ETV5: variants seen among roughly 807,000 people sequenced by gnomAD.
ETV5 encodes the protein ETS variant transcription factor 5, also known as ETS translocation variant 5.
In ETV5, 10 loss-of-function variants were observed where a neutral mutation model predicts 70.0. The ratio of observed to expected loss-of-function variants is 0.14; its 90% CI spans 0.09 to 0.24. The LOEUF is 0.24. Among genes scored for constraint, ETV5 ranks in the 10% least tolerant of loss-of-function variants. ETV5 has a pLI of 1.00. For synonymous variants in ETV5, 216 were observed against 242.2 expected, an observed-to-expected ratio of 0.89 and a Z score of 1.01; for missense variants, 453 against 651.2, an observed-to-expected ratio of 0.70 and a Z score of 3.31.
chr3:186,063,087 C>G (rs757049170), intron 9 of ETV5, among the ~76,000 whole-genome samples: 1 of 152,016 alleles, frequency 6.6e-6, no homozygotes, highest in Non-Finnish European at 1.5e-5. Context: ...CTGGCTAACA[C>G]AGTGAAACCC....
intron 5 of ETV5, among the ~76,000 whole-genome samples, chr3:186,085,388 C>T (rs747158250): frequency 6.6e-6 from 1 of 152,112 alleles, no homozygotes; most frequent in Non-Finnish European, 1.5e-5. Flanking sequence ...ACACGTCATA[C>T]CCCTAAATCC....
chr3:186,063,268 TCAA>T lies in ETV5; in HGVS notation c.970+1146_970+1148del, dbSNP rs544999364. On this transcript the variant is annotated intron_variant, in intron 9 of 12. Coordinates refer to ENST00000306376, the MANE Select transcript of ETV5 (RefSeq NM_004454.3). The stretch of plus-strand genomic sequence containing the variant: ...CTGGGCAACAGAGCGAGACTCCGTC[TCAA>T]CAACAACAACAACAAAAAAAGATGA... Among the ~76,000 whole-genome samples the T allele has an allele frequency of 8.0e-3, 1,219 of 152,198 alleles. 6 individuals are homozygous for T. The highest frequency in any genetic ancestry group is 0.011 in the Non-Finnish European group (746 of 68,002).
intron 1 of ETV5, among the ~76,000 whole-genome samples, chr3:186,107,535 T>G (rs372238806): frequency 1.3e-5 from 2 of 152,092 alleles, no homozygotes; most frequent in African/African-American, 2.4e-5. Context: ...TTAAAAGAAA[T>G]AAACTGCCAT....
chr3:186,078,784 C>T (rs1238334003), intron 7 of ETV5, among the ~76,000 whole-genome samples: 1 of 152,028 alleles, frequency 6.6e-6, no homozygotes, highest in Non-Finnish European at 1.5e-5. Context: ...AAACAGCAAC[C>T]AGCCATATTT....
At position 186,048,587 on chromosome 3, in the gene ETV5, C is replaced by A. The variant is rs1578533150; in HGVS notation, c.*52G>T. 10 of 1,519,246 alleles carry A rather than the reference C, an allele frequency of 6.6e-6. No homozygotes were observed. The East Asian group carries it at 2.3e-4, about 34-fold the overall frequency. The allele number at this position is 1,519,246 out of a possible 1,614,324, so 94.1% of individuals were successfully genotyped here. A position where few individuals can be genotyped will look rare whatever the true frequency, so the allele number is the denominator to read the frequency against. On this transcript the variant is annotated 3_prime_UTR_variant, in exon 13 of 13. Coordinates refer to ENST00000306376, the MANE Select transcript of ETV5 (RefSeq NM_004454.3). ...CAAACAAAACCACTGCCCTTGTTTG[C>A]CTGAATGGGAACTGCTAGCTCTAGG...
At chr3:186,058,600 C>T (rs768291552) in intron 9 of ETV5, among the ~76,000 whole-genome samples, 18 of 152,122 alleles carry the variant, frequency 1.2e-4, no homozygotes, top group Admixed American at 3.9e-4. Flanking sequence ...AAAAAATCCA[C>T]GAGGCTGGGC....
chr3:186,067,802 C>G (rs1159712204), intron 7 of ETV5, among the ~76,000 whole-genome samples: 1 of 151,960 alleles, frequency 6.6e-6, no homozygotes, highest in African/African-American at 2.4e-5. Context: ...ACACATCAAA[C>G]CAGGGGGAAA....
chr3:186,096,872 T>C (rs1714315087), intron 5 of ETV5, among the ~76,000 whole-genome samples: 1 of 151,852 alleles, frequency 6.6e-6, no homozygotes, highest in Admixed American at 6.6e-5. Context: ...CCAGGTAAGA[T>C]GTTGGAGGAT....
intron 9 of ETV5, among the ~76,000 whole-genome samples, chr3:186,062,246 T>G (rs1034859769): frequency 1.6e-4 from 24 of 152,234 alleles, no homozygotes; most frequent in African/African-American, 5.1e-4. Context: ...ATGAAGAGTA[T>G]GGGCTCTGGA....
chr3:186,108,383 A>C, intron 1 of ETV5: 1 of 662,438 alleles, frequency 1.5e-6, no homozygotes. Flanking sequence ...CTGGATGTCC[A>C]CTTTCCACCA....
chr3:186,079,082 T>C (rs993550619), intron 7 of ETV5: 2 of 1,064,252 alleles, frequency 1.9e-6, no homozygotes, highest in African/African-American at 3.3e-5. Flanking sequence ...ACTACCCCCC[T>C]ATCCCAGAGA....
intron 1 of ETV5, 109 bp from the exon 2 acceptor site, chr3:186,106,051 G>T: frequency 1.3e-6 from 1 of 745,130 alleles, no homozygotes; most frequent in African/African-American, 1.8e-5. Context: ...ACCCTTCTGT[G>T]AAGTACTTAA....
In ETV5 at chr3:186,063,733, A is replaced by G. The variant is rs529448807; in HGVS notation, c.970+684T>C. Among the ~76,000 whole-genome samples the G allele has an allele frequency of 9.9e-5, 15 of 152,180 alleles. 1 individual carries two copies. Among genetic ancestry groups the G allele is most frequent in the Non-Finnish European group, 2.2e-4 (15 of 68,030 alleles). ...TCCTTCAATAATGCATTTTGTACAT[A>G]ACATACCTCTCCACTCCCATCCCCA... is the stretch of plus-strand genomic sequence containing the variant. On this transcript the variant is annotated intron_variant, in intron 9 of 12. Coordinates refer to ENST00000306376, the MANE Select transcript of ETV5 (RefSeq NM_004454.3).
intron 1 of ETV5, among the ~76,000 whole-genome samples, chr3:186,107,707 C>G (rs1029705954): frequency 2.0e-5 from 3 of 152,126 alleles, no homozygotes. Flanking sequence ...AACTTTAGCA[C>G]AGCGCAGCGG....
rs1371578780 is a variant in ETV5 at position 186,085,126 on chromosome 3, TAAAGGCTCAAAGTCACTTGCCAC to T, written c.233-3974_233-3952del. On this transcript the variant is annotated intron_variant, in intron 5 of 12. Transcript: ENST00000306376. ...ACAAGGCTCAAAGTCACTTGCCACG[TAAAGGCTCAAAGTCACTTGCCAC>T]GTCTCACAGCTGGTCAGTGGCCAGG... Among the ~76,000 whole-genome samples the T allele has an allele frequency of 9.9e-3, 782 of 79,174 alleles. 29 individuals carry two copies. Among genetic ancestry groups the T allele is most frequent in the Admixed American group, 0.081 (691 of 8,516 alleles). The allele number at this position is 79,174 out of a possible 152,430, so 51.9% of individuals were successfully genotyped here. A position where few individuals can be genotyped will look rare whatever the true frequency, so the allele number is the denominator to read the frequency against.
At chr3:186,075,278 A>G (rs1713754825) in intron 7 of ETV5, among the ~76,000 whole-genome samples, 1 of 152,202 alleles carries the variant, frequency 6.6e-6, no homozygotes, top group South Asian at 2.1e-4. Context: ...CATACACAAC[A>G]TGTTATTAAC....
rs1713938739 is a variant in ETV5, at chr3:186,081,720, A to G, written c.233-545T>C. Among the ~76,000 whole-genome samples the G allele has an allele frequency of 2.0e-5, 3 of 152,232 alleles. No individual in the cohort carries two copies. In the South Asian group the frequency reaches 6.2e-4, roughly 31 times the overall value. ...ATCAGCTCTCAGCAAGAAATACTCA[A>G]CTTTAGAGGCATTCCAAAAATTTTA... On this transcript the variant is annotated intron_variant, in intron 5 of 12. Coordinates refer to ENST00000306376, the MANE Select transcript of ETV5 (RefSeq NM_004454.3).
At chr3:186,106,651 T>C (rs1315376287) in intron 1 of ETV5, among the ~76,000 whole-genome samples, 1 of 152,226 alleles carries the variant, frequency 6.6e-6, no homozygotes, top group Non-Finnish European at 1.5e-5. Flanking sequence ...ACTAATTCCA[T>C]TGCATGTGGT....
intron 1 of ETV5, among the ~76,000 whole-genome samples, chr3:186,107,301 C>T (rs1714611188): frequency 6.6e-6 from 1 of 152,182 alleles, no homozygotes; most frequent in Non-Finnish European, 1.5e-5. Context: ...TCAAATGCCA[C>T]CAAACCGTAT....
Sources: allele counts gnomAD v4.1 joint callset (sites outside exome capture counted in the v4.1 genomes callset), GRCh38; gene constraint gnomAD v4.1.1; transcripts MANE v1.5; gene names NCBI Gene and HGNC (gene_info 2026-07-23, HGNC 2026-07-21).